The following EFCAB13 variants were observed in gnomAD, a reference collection of about 807,000 sequenced individuals.
EFCAB13 encodes the protein EF-hand calcium binding domain 13.
A neutral mutation model predicts 110.2 loss-of-function variants in EFCAB13; 91 were observed. That is an observed-to-expected ratio of 0.83 (90% CI 0.70 to 0.98). EFCAB13 has a LOEUF of 0.98. Ranked by LOEUF, EFCAB13 falls within the 50% of genes least tolerant of loss-of-function variation. EFCAB13 has a pLI of 0.00. For synonymous variants in EFCAB13, 323 were observed against 369.9 expected, an observed-to-expected ratio of 0.87 and a Z score of 1.45; for missense variants, 968 against 1,119.4, an observed-to-expected ratio of 0.86 and a Z score of 1.93.
chr17:47,384,972 C>T (rs369158750), intron 14 of EFCAB13, among the ~76,000 whole-genome samples: 3 of 152,022 alleles, frequency 2.0e-5, no homozygotes, highest in African/African-American at 7.2e-5. Context: ...GGGGTTTCAC[C>T]GTGTTAGCCA....
intron 14 of EFCAB13, among the ~76,000 whole-genome samples, chr17:47,380,065 G>T (rs973247041): frequency 2.0e-5 from 3 of 152,036 alleles, no homozygotes; most frequent in African/African-American, 7.2e-5. Flanking sequence ...GTTCCTTTAT[G>T]TTCAGTTTGT....
chr17:47,390,873 T>C (rs1043387861), intron 14 of EFCAB13, among the ~76,000 whole-genome samples: 1 of 151,782 alleles, frequency 6.6e-6, no homozygotes, highest in Non-Finnish European at 1.5e-5. Flanking sequence ...TCAGAGACTA[T>C]AGTATAGTAG....
chr17:47,325,217 G>A (rs1273035635), intron 2 of EFCAB13, among the ~76,000 whole-genome samples: 2 of 150,870 alleles, frequency 1.3e-5, no homozygotes, highest in Non-Finnish European at 3.0e-5. Flanking sequence ...GAGTTTCACT[G>A]TTGCCCAGGC....
chr17:47,354,385 A>G (rs2065469258), intron 9 of EFCAB13, among the ~76,000 whole-genome samples: 1 of 152,056 alleles, frequency 6.6e-6, no homozygotes, highest in Admixed American at 6.6e-5. Context: ...TTTCTGTTAG[A>G]TCAATTTTTT....
chr17:47,416,320 T>C (rs1339117849), intron 23 of EFCAB13, among the ~76,000 whole-genome samples: 1 of 152,226 alleles, frequency 6.6e-6, no homozygotes, highest in Non-Finnish European at 1.5e-5. Context: ...ACCATGAATC[T>C]ACTTTCTGTC....
intron 10 of EFCAB13, among the ~76,000 whole-genome samples, chr17:47,362,673 T>C (rs1371995020): frequency 6.6e-6 from 1 of 152,252 alleles, no homozygotes; most frequent in Non-Finnish European, 1.5e-5. Context: ...TGTTCCATCC[T>C]GTACACCTGG....
intron 18 of EFCAB13, 76 bp from the exon 19 acceptor site, chr17:47,403,802 A>G: frequency 7.3e-7 from 1 of 1,362,408 alleles, no homozygotes; most frequent in Non-Finnish European, 9.9e-7. Context: ...ACAATAATAA[A>G]CTATGGATTT....
At chr17:47,420,830 A>G (rs1904662861) in intron 23 of EFCAB13, among the ~76,000 whole-genome samples, 4 of 148,332 alleles carry the variant, frequency 2.7e-5, no homozygotes, top group African/African-American at 5.1e-5. Context: ...GTCAGCCCCC[A>G]CCAGGCCAGC....
chr17:47,353,819 G>C (rs187408028), intron 9 of EFCAB13, among the ~76,000 whole-genome samples: 2 of 152,076 alleles, frequency 1.3e-5, no homozygotes, highest in African/African-American at 4.8e-5. Flanking sequence ...GATTTTCCTG[G>C]TTCTCTTTTA....
At chr17:47,329,596 T>C (rs2065307946) in intron 4 of EFCAB13, among the ~76,000 whole-genome samples, 2 of 152,178 alleles carry the variant, frequency 1.3e-5, no homozygotes, top group African/African-American at 4.8e-5. Flanking sequence ...TCTTAAAAAT[T>C]AATATTAAAG....
chr17:47,403,510 C>T (rs1027565710), intron 18 of EFCAB13, among the ~76,000 whole-genome samples: 1 of 152,156 alleles, frequency 6.6e-6, no homozygotes, highest in African/African-American at 2.4e-5. Context: ...CCTTGTAAAT[C>T]TTGTCTCATA....
chr17:47,420,630 C>G (rs1904637685), intron 23 of EFCAB13, among the ~76,000 whole-genome samples: 1 of 152,172 alleles, frequency 6.6e-6, no homozygotes, highest in Non-Finnish European at 1.5e-5. Context: ...GCGCCTCTAC[C>G]CGGCCGCGAC....
At position 47,420,505 on chromosome 17, in the gene EFCAB13, C is replaced by T. The variant is rs547138194; in HGVS notation, c.2494+5586C>T. Among the ~76,000 whole-genome samples, 8 of 149,750 alleles carry T rather than the reference C, an allele frequency of 5.3e-5. No homozygotes were observed. In the East Asian group the frequency reaches 1.2e-3, roughly 23 times the overall value. ...GCCATCCCATCTAGGAAGTGAGGAG[C>T]GCCTCTTCCCGGCCGCCATCCCATC... On this transcript the variant is annotated intron_variant, in intron 23 of 24. Coordinates refer to ENST00000331493, the MANE Select transcript of EFCAB13 (RefSeq NM_152347.5).
chr17:47,374,878 C>A lies in EFCAB13; in HGVS notation c.1284C>A (p.Ile428=), dbSNP rs565572891. The change falls in exon 12 of 25, where the codon ATC becomes ATA. Residue 428 remains isoleucine (I), a synonymous_variant. Transcript: ENST00000331493. ...KSLDKSDISS[I]PKLQKPAVRK... ...TGGATAAAAGTGATATTTCTAGTAT[C>A]CCAAAACTTCAGAAGCCAGCTGTAA... The A allele has an allele frequency of 3.3e-5, 53 of 1,611,374 alleles. No homozygotes were observed. In the East Asian group the frequency reaches 1.0e-3, roughly 32 times the overall value.
chr17:47,368,239 A>G (rs576114316), intron 10 of EFCAB13, among the ~76,000 whole-genome samples: 11 of 152,326 alleles, frequency 7.2e-5, no homozygotes, highest in East Asian at 1.9e-4. Context: ...CAAAGTTTCT[A>G]TGGCTCCAGA....
chr17:47,327,423 A>C (rs1461404172), intron 3 of EFCAB13, among the ~76,000 whole-genome samples: 1 of 151,736 alleles, frequency 6.6e-6, no homozygotes, highest in Non-Finnish European at 1.5e-5. Context: ...TTGGCCTCTC[A>C]AAGTGCTGGG....
intron 24 of EFCAB13, among the ~76,000 whole-genome samples, chr17:47,433,259 C>G (rs1436169648): frequency 6.6e-6 from 1 of 152,064 alleles, no homozygotes. Flanking sequence ...GTAAAGTGCC[C>G]TTTTTATTGC....
intron 14 of EFCAB13, among the ~76,000 whole-genome samples, chr17:47,388,705 C>G (rs916870019): frequency 1.4e-4 from 21 of 152,106 alleles, no homozygotes; most frequent in African/African-American, 5.1e-4. Context: ...ATGAATAATA[C>G]TGAAATTAAC....
intron 23 of EFCAB13, among the ~76,000 whole-genome samples, chr17:47,415,488 TATA>T: frequency 6.6e-6 from 1 of 151,980 alleles, no homozygotes; most frequent in Non-Finnish European, 1.5e-5. Context: ...GTATAAATAA[TATA>T]ATATAAAAAT....
Sources: allele counts gnomAD v4.1 joint callset (sites outside exome capture counted in the v4.1 genomes callset), GRCh38; gene constraint gnomAD v4.1.1; transcripts MANE v1.5; gene names NCBI Gene and HGNC (gene_info 2026-07-23, HGNC 2026-07-21).